FBN2: variants seen among roughly 807,000 people sequenced by gnomAD.
The protein encoded by FBN2 is fibrillin-2.
Under a neutral mutation model 355.6 loss-of-function variants are expected in FBN2, and 105 were observed. The observed-to-expected ratio is 0.30, with a 90% confidence interval of 0.25 to 0.35. FBN2 has a LOEUF of 0.35. FBN2 is among the 10% of genes least tolerant of loss of function. The pLI is 1.00. For synonymous variants in FBN2, 1,350 were observed against 1,301.2 expected (o/e 1.04, Z -0.81); for missense variants, 3,280 against 3,758.7 (o/e 0.87, Z 3.33).
chr5:128,446,895 C>T (rs1236402056), intron 6 of FBN2, among the ~76,000 whole-genome samples: 2 of 152,176 alleles, frequency 1.3e-5, no homozygotes, highest in Non-Finnish European at 2.9e-5. Flanking sequence ...CGGCTGAAGC[C>T]ATGGCAGAAG....
chr5:128,299,375 C>T lies in FBN2; in HGVS notation c.6166+1442G>A, dbSNP rs185787035. 1.6e-4 allele frequency among the ~76,000 whole-genome samples: 24 copies of T among 149,756 alleles called. No homozygotes were observed. The East Asian group carries it at 2.0e-3, about 12-fold the overall frequency. ...GTGGGCTCCAAACAGTTCGAGCTTC[C>T]GGGCTGCTTTGTTTACCTAAGCAAG... On this transcript the variant is annotated intron_variant, in intron 48 of 64. Coordinates refer to ENST00000262464, the MANE Select transcript of FBN2 (RefSeq NM_001999.4).
At chr5:128,447,814 T>G (rs183065416) in intron 6 of FBN2, among the ~76,000 whole-genome samples, 91 of 152,256 alleles carry the variant, frequency 6.0e-4, no homozygotes, top group African/African-American at 2.1e-3. Context: ...GCTTTAAAAT[T>G]TCTCTCTTTT....
intron 34 of FBN2, among the ~76,000 whole-genome samples, chr5:128,321,826 T>C (rs1397426323): frequency 6.6e-6 from 1 of 152,186 alleles, no homozygotes; most frequent in South Asian, 2.1e-4. Flanking sequence ...GATTGCTGGG[T>C]CAAATGGTAT....
rs1756368788 is a variant in FBN2 at position 128,519,360 on chromosome 5, C to G, written c.541G>C (p.Glu181Gln). The change falls in exon 5 of 65, where the codon GAA becomes CAA. Residue 181 changes from glutamate (E) to glutamine (Q), a missense_variant. Physicochemically the swap from Glu to Gln is conservative, Grantham distance 29 (BLOSUM62 2). Around this residue, in one of 6 missense-constraint regions of FBN2, gnomAD observed 130 missense variants for 189.9 expected, o/e 0.68. Transcript: ENST00000262464. ...IGTYCGQPVC[E>Q]NGCQNGGRCI... is the part of the protein sequence containing the mutation. ...CGTCCACCATTCTGACATCCATTTT[C>G]ACAGACAGCTGCATACAAAAATAGC... 2 of 1,613,754 alleles carry G rather than the reference C, an allele frequency of 1.2e-6. No individual in the cohort carries two copies. The highest frequency in any genetic ancestry group is 1.7e-6 in the Non-Finnish European group (2 of 1,179,768).
At chr5:128,368,230 G>C (rs965920168) in intron 16 of FBN2, among the ~76,000 whole-genome samples, 4 of 151,922 alleles carry the variant, frequency 2.6e-5, no homozygotes, top group African/African-American at 9.7e-5. Flanking sequence ...TTGTGTTTAT[G>C]TTAGAATCCC....
Position 128,258,604 on chromosome 5 carries a change from T to G in FBN2, c.*851A>C, listed in dbSNP as rs1764878071. On this transcript the variant is annotated 3_prime_UTR_variant, in exon 65 of 65. Transcript: ENST00000262464. Reference sequence around the variant, plus strand: ...GCGCACCCTGGGTAAGAATGAGGTGTTGTGGGTAGCACATATGGTTCCTTG... The same window carrying G: ...GCGCACCCTGGGTAAGAATGAGGTGGTGTGGGTAGCACATATGGTTCCTTG... The G allele has an allele frequency of 6.6e-6, 1 of 152,540 alleles. No individual in the cohort carries two copies. The highest frequency in any genetic ancestry group is 1.5e-5 in the Non-Finnish European group (1 of 68,030). The allele number at this position is 152,540 out of a possible 1,614,324, so 9.4% of individuals were successfully genotyped here.
At chr5:128,511,861 G>A (rs917086874) in intron 5 of FBN2, among the ~76,000 whole-genome samples, 3 of 152,094 alleles carry the variant, frequency 2.0e-5, no homozygotes, top group African/African-American at 4.8e-5. Context: ...TAGATTACAA[G>A]TACTTGGCTT....
At chr5:128,387,744 A>T (rs191102365) in intron 11 of FBN2, among the ~76,000 whole-genome samples, 2 of 152,220 alleles carry the variant, frequency 1.3e-5, no homozygotes, top group East Asian at 3.9e-4. Context: ...GAATATACTA[A>T]GAATTGTTTA....
chr5:128,281,086 C>A (rs1169163483), intron 55 of FBN2, among the ~76,000 whole-genome samples: 2 of 152,030 alleles, frequency 1.3e-5, no homozygotes, highest in African/African-American at 4.8e-5. Context: ...ATGCACTTTG[C>A]TTTTATTAGT....
At chr5:128,284,378 C>T (rs900879721) in intron 55 of FBN2, among the ~76,000 whole-genome samples, 5 of 152,200 alleles carry the variant, frequency 3.3e-5, no homozygotes, top group Non-Finnish European at 5.9e-5. Flanking sequence ...GGCCCATACT[C>T]TGAGTCACTC....
At chr5:128,515,511 G>C (rs1402178164) in intron 5 of FBN2, among the ~76,000 whole-genome samples, 5 of 152,152 alleles carry the variant, frequency 3.3e-5, no homozygotes, top group Admixed American at 3.3e-4. Flanking sequence ...CCCCTGACTA[G>C]AGATATCCAG....
chr5:128,270,722 G>A (rs942036677), intron 62 of FBN2, among the ~76,000 whole-genome samples: 2 of 152,072 alleles, frequency 1.3e-5, no homozygotes, highest in Admixed American at 6.5e-5. Context: ...GCAACCTACA[G>A]AATGTTTTAC....
chr5:128,410,736 T>C (rs1028471241), intron 7 of FBN2, among the ~76,000 whole-genome samples: 1 of 152,118 alleles, frequency 6.6e-6, no homozygotes, highest in Non-Finnish European at 1.5e-5. Flanking sequence ...ACATGTGGAG[T>C]GACATTAAAT....
intron 23 of FBN2, among the ~76,000 whole-genome samples, chr5:128,347,566 T>G (rs1178612966): frequency 6.6e-6 from 1 of 152,082 alleles, no homozygotes; most frequent in Non-Finnish European, 1.5e-5. Flanking sequence ...AGCATCTGAG[T>G]TTGGGATCCC....
intron 5 of FBN2, among the ~76,000 whole-genome samples, chr5:128,517,362 C>G (rs987322098): frequency 8.5e-5 from 13 of 152,122 alleles, no homozygotes; most frequent in Admixed American, 7.2e-4. Context: ...TAAATTTATT[C>G]TACATTCTAT....
At chr5:128,263,372 C>T (rs1328560900) in intron 63 of FBN2, 53 bp downstream of exon 63, 40 of 1,380,004 alleles carry the variant, frequency 2.9e-5, no homozygotes, top group Non-Finnish European at 4.0e-5. Context: ...GTGGCCTGAA[C>T]TCACTCAGGA....
At chr5:128,461,823 G>A (rs1754566151) in intron 6 of FBN2, among the ~76,000 whole-genome samples, 1 of 150,488 alleles carries the variant, frequency 6.6e-6, no homozygotes, top group African/African-American at 2.5e-5. Context: ...GACACAGATA[G>A]GGGAATAACA....
intron 5 of FBN2, among the ~76,000 whole-genome samples, chr5:128,482,893 C>T (rs1046140759): frequency 2.0e-5 from 3 of 151,984 alleles, no homozygotes; most frequent in African/African-American, 4.8e-5. Context: ...TTAAAATATA[C>T]GAACAAGGTC....
At chr5:128,297,709 T>C (rs1265434390) in intron 48 of FBN2, among the ~76,000 whole-genome samples, 6 of 152,214 alleles carry the variant, frequency 3.9e-5, no homozygotes, top group Non-Finnish European at 5.9e-5. Flanking sequence ...CTCCATCCTT[T>C]TATTTTGAGC....
Sources: allele counts gnomAD v4.1 joint callset (sites outside exome capture counted in the v4.1 genomes callset), GRCh38; gene constraint gnomAD v4.1.1; regional missense constraint gnomAD v4.1.1; transcripts MANE v1.5; gene names NCBI Gene and HGNC (gene_info 2026-07-23, HGNC 2026-07-21).